PUSL1: variants seen among roughly 807,000 people sequenced by gnomAD.
PUSL1 encodes the protein tRNA pseudouridine synthase-like 1.
PUSL1 carries 51 observed loss-of-function variants against 30.7 expected under a neutral mutation model. The observed-to-expected ratio is 1.66, with a 90% CI of 1.33 to 2.10. PUSL1 has a LOEUF of 2.10. Ranked by LOEUF, PUSL1 falls within the 30% of genes most tolerant of loss-of-function variation. The pLI, the probability that PUSL1 is intolerant of heterozygous loss-of-function variation, is 0.00. For synonymous variants in PUSL1, 290 were observed against 192.1 expected (o/e 1.51, Z -4.21); for missense variants, 609 against 427.6 (o/e 1.42, Z -3.74).
Position 1,309,181 on chromosome 1 carries a change from C to T in PUSL1, c.231C>T (p.His77=), listed in dbSNP as rs1222658720. ...TCCACGCCCTGAGCAACGCGGCGCACCTGGACGTCCAGCGCCGCTCAGGCC... is the reference window on the plus strand; with the variant it reads ...TCCACGCCCTGAGCAACGCGGCGCATCTGGACGTCCAGCGCCGCTCAGGCC... ...AGVHALSNAA[H]LDVQRRSGRP... is the part of the protein sequence containing the mutation. The change falls in exon 3 of 8, where the codon CAC becomes CAT. Residue 77 remains histidine (H), a synonymous_variant. Coordinates refer to ENST00000379031, the MANE Select transcript of PUSL1 (RefSeq NM_153339.3). The T allele has an allele frequency of 3.2e-6, 5 of 1,540,928 alleles. No individual in the cohort carries two copies. Among genetic ancestry groups the T allele is most frequent in the African/African-American group, 2.7e-5 (2 of 72,794 alleles).
Position 1,308,706 on chromosome 1 carries a change from G to A in PUSL1, c.63G>A (p.Val21=), listed in dbSNP as rs932959204. ...RARYLVYFQY[V]GTDFNGVAAV... ...GCTATCTTGTGTACTTCCAGTACGT[G>A]GGCACCGACTTTAAGTAGGTTTCCC... Residue 21 remains valine (V), a synonymous_variant, in exon 1 of 8, where the codon GTG becomes GTA. Transcript: ENST00000379031. 24 of 1,557,440 alleles carry A rather than the reference G, an allele frequency of 1.5e-5. No homozygotes were observed. The highest frequency in any genetic ancestry group is 2.0e-5 in the Non-Finnish European group (23 of 1,155,124).
chr1:1,311,159 C>T (rs1024001888), intron 7 of PUSL1, 88 bp downstream of exon 7: 28 of 1,501,296 alleles, frequency 1.9e-5, no homozygotes, highest in African/African-American at 2.8e-5. Context: ...GGGCCACTGA[C>T]GGCAGCAACT....
chr1:1,309,836 C>A lies in PUSL1; in HGVS notation c.629C>A (p.Thr210Asn), dbSNP rs1210396117. ...VSPGQASPLV[T>N]PEESRKLRFW... The stretch of plus-strand genomic sequence containing the variant: ...CCAGGCCAAGCCAGCCCCTTGGTCA[C>A]CCCCGAGGAGAGCAGGTGAGGAAGG... Residue 210 changes from threonine (T) to asparagine (N), a missense_variant, in exon 5 of 8, where the codon ACC (threonine) becomes AAC (asparagine). By Grantham distance (65) the Thr-to-Asn change is moderately conservative (BLOSUM62 0). Transcript: ENST00000379031. 6.5e-7 allele frequency: 1 copy of A among 1,528,842 alleles called. No individual in the cohort carries two copies. The highest frequency in any genetic ancestry group is 2.0e-5 in the Admixed American group (1 of 49,158). 94.7% of individuals were successfully genotyped at this position (1,528,842 alleles called of 1,614,324 possible). A position where few individuals can be genotyped will look rare whatever the true frequency, so the allele number is the denominator to read the frequency against.
chr1:1,308,760 C>G (rs1225810135), intron 1 of PUSL1, 40 bp downstream of exon 1: 1 of 1,478,734 alleles, frequency 6.8e-7, no homozygotes, highest in African/African-American at 1.5e-5. Context: ...CACGTGGGCC[C>G]GGGCGGAGGC....
rs1204225650 is a variant in PUSL1, at chr1:1,308,721, G to A, written c.77+1G>A. ...TCCAGTACGTGGGCACCGACTTTAAGTAGGTTTCCCAGGCGCAGCGGCGGG... is the reference window on the plus strand; with the variant it reads ...TCCAGTACGTGGGCACCGACTTTAAATAGGTTTCCCAGGCGCAGCGGCGGG... On this transcript the variant is annotated splice_donor_variant, in intron 1 of 7. Coordinates refer to ENST00000379031, the MANE Select transcript of PUSL1 (RefSeq NM_153339.3). LOFTEE classifies it high-confidence loss of function. 6 of 1,550,678 alleles carry A rather than the reference G, an allele frequency of 3.9e-6. No homozygotes were observed. Among genetic ancestry groups the A allele is most frequent in the Non-Finnish European group, 5.2e-6 (6 of 1,151,122 alleles).
In PUSL1 at chr1:1,311,589, G is replaced by C. The variant is rs575319963; in HGVS notation, c.*210G>C. On this transcript the variant is annotated 3_prime_UTR_variant, in exon 8 of 8. Coordinates refer to ENST00000379031, the MANE Select transcript of PUSL1 (RefSeq NM_153339.3). ...CACAGCCATGTACACCAAGAAGAGAGTACCAAGTAGTCTTTTGTTCAGCTT... is the reference window on the plus strand; with the variant it reads ...CACAGCCATGTACACCAAGAAGAGACTACCAAGTAGTCTTTTGTTCAGCTT... 98 of 718,778 alleles carry C rather than the reference G, an allele frequency of 1.4e-4. No individual in the cohort carries two copies. The highest frequency in any genetic ancestry group is 4.2e-4 in the Admixed American group (21 of 49,990). The allele number at this position is 718,778 out of a possible 1,614,324, so 44.5% of individuals were successfully genotyped here.
intron 5 of PUSL1, 25 bp downstream of exon 5, chr1:1,309,876 GC>G: frequency 6.8e-7 from 1 of 1,465,038 alleles, no homozygotes; most frequent in Non-Finnish European, 9.1e-7. Context: ...CTGGGCTGTG[GC>G]CCTGCCCTCA....
intron 5 of PUSL1, chr1:1,310,321 C>T: frequency 2.5e-6 from 1 of 402,606 alleles, no homozygotes. Context: ...GGCACCCGCA[C>T]CAGCCACGTT....
In PUSL1 at chr1:1,308,673, G is replaced by A. The variant is rs1174050727; in HGVS notation, c.30G>A (p.Val10=). The change falls in exon 1 of 8, where the codon GTG becomes GTA. Residue 10 remains valine, a synonymous_variant. Transcript: ENST00000379031. ...GTTCGGCGCCGGCCTCAGGCTCCGT[G>A]CGCGCGCGCTATCTTGTGTACTTCC... MSSAPASGS[V]RARYLVYFQY... is the part of the protein sequence containing the mutation. 7.1e-6 allele frequency: 11 copies of A among 1,544,562 alleles called. No individual in the cohort carries two copies. The East Asian group carries it at 2.9e-4, about 41-fold the overall frequency.
In PUSL1 at chr1:1,309,283, C is replaced by G. The variant is rs756553971; in HGVS notation, c.323+10C>G. The G allele has an allele frequency of 6.8e-6, 10 of 1,474,210 alleles. No individual in the cohort carries two copies. In the South Asian group the frequency reaches 1.4e-4, roughly 20 times the overall value. 91.3% of individuals were successfully genotyped at this position (1,474,210 alleles called of 1,614,324 possible). A position where few individuals can be genotyped will look rare whatever the true frequency, so the allele number is the denominator to read the frequency against. ...GGCACCCGGCCATCAGGTGAGCCCG[C>G]GACCTAAGCAGCCCTGGGGCTGTGC... On this transcript the variant is annotated intron_variant, in intron 3 of 7. Coordinates refer to ENST00000379031, the MANE Select transcript of PUSL1 (RefSeq NM_153339.3).
At chr1:1,309,342 G>C (rs542566319) in intron 3 of PUSL1, 69 bp downstream of exon 3, 1 of 1,452,178 alleles carries the variant, frequency 6.9e-7, no homozygotes, top group African/African-American at 1.4e-5. Flanking sequence ...GCGGAGGCTG[G>C]AGATCTGGAC....
At chr1:1,310,466 A>G (rs529403432) in intron 5 of PUSL1, 168 bp from the exon 6 acceptor site, 28 of 657,506 alleles carry the variant, frequency 4.3e-5, no homozygotes, top group East Asian at 1.5e-4. Flanking sequence ...AGCCCCTCCA[A>G]TGGGCCTCAC....
Position 1,309,417 on chromosome 1 carries a change from G to A in PUSL1, c.324-37G>A, listed in dbSNP as rs755502999. The A allele has an allele frequency of 1.4e-5, 22 of 1,553,112 alleles. 1 individual carries two copies. The South Asian group carries it at 2.2e-4, about 16-fold the overall frequency. On this transcript the variant is annotated intron_variant, in intron 3 of 7. Transcript: ENST00000379031. ...GCCAATGTGACACCGCGGGCGGGCG[G>A]GGTCGTTCCTCCGGTGAGCTTTACC...
chr1:1,308,976 C>G lies in PUSL1; in HGVS notation c.135+4C>G. ...CGGGGTCCAGAACTACCTGGAGGTG[C>G]GCTCAGCCGGTCACGGGACGCCCGG... is the stretch of plus-strand genomic sequence containing the variant. On this transcript the variant is annotated splice_donor_region_variant and intron_variant, in intron 2 of 7. Coordinates refer to ENST00000379031, the MANE Select transcript of PUSL1 (RefSeq NM_153339.3). 1.4e-6 allele frequency: 2 copies of G among 1,412,008 alleles called. No homozygotes were observed. The highest frequency in any genetic ancestry group is 1.8e-6 in the Non-Finnish European group (2 of 1,087,026). 87.5% of individuals were successfully genotyped at this position (1,412,008 alleles called of 1,614,324 possible).
At chr1:1,310,877 G>A (rs537301128) in intron 6 of PUSL1, 32 bp from the exon 7 acceptor site, 16 of 1,538,394 alleles carry the variant, frequency 1.0e-5, no homozygotes, top group African/African-American at 5.5e-5. Context: ...GGTCACGGGC[G>A]GCTCTGGGTC....
rs1250090624 is a variant in PUSL1, at chr1:1,311,481, G to A, written c.*102G>A. 1 of 1,228,658 alleles carries A rather than the reference G, an allele frequency of 8.1e-7. No homozygotes were observed. The allele number at this position is 1,228,658 out of a possible 1,614,324, so 76.1% of individuals were successfully genotyped here. On this transcript the variant is annotated 3_prime_UTR_variant, in exon 8 of 8. Transcript: ENST00000379031. ...TTGGGGCCCACAGCACTGCTGCCTGGTCTCCACAGTAGCCTCCCTGCCCGG... is the reference window on the plus strand; with the variant it reads ...TTGGGGCCCACAGCACTGCTGCCTGATCTCCACAGTAGCCTCCCTGCCCGG...
rs1437396593 is a variant in PUSL1 at position 1,309,439 on chromosome 1, T to A, written c.324-15T>A. ...GCGGGGTCGTTCCTCCGGTGAGCTT[T>A]ACCTGCCGCCATAGGGTCCTGCGGG... On this transcript the variant is annotated splice_polypyrimidine_tract_variant and intron_variant, in intron 3 of 7. Coordinates refer to ENST00000379031, the MANE Select transcript of PUSL1 (RefSeq NM_153339.3). 3 of 1,586,148 alleles carry A rather than the reference T, an allele frequency of 1.9e-6. No homozygotes were observed. The highest frequency in any genetic ancestry group is 2.3e-5 in the South Asian group (2 of 88,434).
intron 3 of PUSL1, 50 bp from the exon 4 acceptor site, chr1:1,309,404 C>A (rs1324117083): frequency 1.3e-6 from 2 of 1,532,662 alleles, no homozygotes; most frequent in Non-Finnish European, 1.8e-6. Flanking sequence ...CAATGTGACA[C>A]CGCGGGCGGG....
At position 1,309,711 on chromosome 1, in the gene PUSL1, C is replaced by T. The variant is rs762216123; in HGVS notation, c.504C>T (p.Ala168=). 1.3e-5 allele frequency: 21 copies of T among 1,595,918 alleles called. No homozygotes were observed. The highest frequency in any genetic ancestry group is 1.6e-5 in the Non-Finnish European group (19 of 1,168,098). Reference sequence around the variant, plus strand: ...TGGATATGGTCGCCATGCAGGAAGCCGCCCAGCACCTCCTCGGCACACACG... The same window carrying T: ...TGGATATGGTCGCCATGCAGGAAGCTGCCCAGCACCTCCTCGGCACACACG... ...DCLDMVAMQE[A]AQHLLGTHDF... is the part of the protein sequence containing the mutation. Residue 168 remains alanine, a synonymous_variant, in exon 5 of 8, where the codon GCC becomes GCT. Transcript: ENST00000379031.
Sources: gnomAD v4.1 joint callset for allele counts on GRCh38, gnomAD v4.1.1 for gene constraint, MANE v1.5 for transcripts, NCBI Gene and HGNC (gene_info 2026-07-23, HGNC 2026-07-21) for gene names.